Variants in DISC1 observed in about 807,000 individuals in gnomAD.
The protein encoded by DISC1 is DISC1 scaffold protein.
In DISC1, 57 loss-of-function variants were observed where a neutral mutation model predicts 84.5. That is an observed-to-expected ratio of 0.67 (90% CI 0.55 to 0.84). DISC1 has a LOEUF of 0.84. DISC1 is among the 40% of genes least tolerant of loss of function. The pLI, the probability that DISC1 is intolerant of heterozygous loss-of-function variation, is 0.00. For missense variants in DISC1, 1,000 were observed against 1,057.8 expected (o/e 0.95, Z 0.76); for synonymous variants, 411 against 415.2 (o/e 0.99, Z 0.12).
rs552304662 is a variant in DISC1, at chr1:231,759,927, G to A, written c.1269-7213G>A. Among the ~76,000 whole-genome samples, 5 of 152,194 alleles carry A rather than the reference G, an allele frequency of 3.3e-5. No homozygotes were observed. In the East Asian group the frequency reaches 7.7e-4, roughly 24 times the overall value. ...AGAGGACTTCTCAGAACTTGTTTTG[G>A]AACTATTGGATTATAAATAAAAGCT... On this transcript the variant is annotated intron_variant, in intron 4 of 12. Coordinates refer to ENST00000439617, the MANE Select transcript of DISC1 (RefSeq NM_018662.3).
At chr1:231,753,717 T>C (rs759194559) in intron 4 of DISC1, among the ~76,000 whole-genome samples, 2 of 152,220 alleles carry the variant, frequency 1.3e-5, no homozygotes, top group South Asian at 4.1e-4. Context: ...AGCTGCAAAT[T>C]TTCCAAACTT....
rs1338125094 is a variant in DISC1 at position 231,873,797 on chromosome 1, T to C, written c.1981+55280T>C. On this transcript the variant is annotated intron_variant, in intron 9 of 12. Coordinates refer to ENST00000439617, the MANE Select transcript of DISC1 (RefSeq NM_018662.3). ...GAGGGGTTCTGTGTGGAAAATGTAA[T>C]TGGAATCCCCAAATTATGACTTCTA... is the stretch of plus-strand genomic sequence containing the variant. Among the ~76,000 whole-genome samples the C allele has an allele frequency of 3.9e-5, 6 of 152,112 alleles. No individual in the cohort carries two copies. The East Asian group carries it at 9.6e-4, about 24-fold the overall frequency.
At position 231,650,361 on chromosome 1, in the gene DISC1, T is replaced by C. The variant is rs924939929; in HGVS notation, c.67+23427T>C. On this transcript the variant is annotated intron_variant, in intron 1 of 12. Transcript: ENST00000439617. ...GGATATGAAATTCTGGGCTGAAAAT[T>C]CATTTCTTTAAGAATATTGAATATT... Among the ~76,000 whole-genome samples, 5 of 152,210 alleles carry C rather than the reference T, an allele frequency of 3.3e-5. No homozygotes were observed. The South Asian group carries it at 1.0e-3, about 32-fold the overall frequency.
intron 10 of DISC1, chr1:231,959,143 A>T (rs1660039627): frequency 1.7e-6 from 2 of 1,163,012 alleles, no homozygotes; most frequent in African/African-American, 3.2e-5. Context: ...ATGTTCCATA[A>T]GAGAAGAATC....
chr1:231,758,143 G>A (rs1433065640), intron 4 of DISC1, among the ~76,000 whole-genome samples: 1 of 151,984 alleles, frequency 6.6e-6, no homozygotes, highest in Non-Finnish European at 1.5e-5. Context: ...TGTCCGTGTG[G>A]TGACCAGCTC....
chr1:231,645,905 T>C (rs2060087659), intron 1 of DISC1, among the ~76,000 whole-genome samples: 1 of 151,660 alleles, frequency 6.6e-6, no homozygotes. Flanking sequence ...CTTTTCTTTT[T>C]TTTTTTTTAG....
intron 10 of DISC1, among the ~76,000 whole-genome samples, chr1:231,995,676 T>C (rs2102938812): frequency 6.6e-6 from 1 of 152,110 alleles, no homozygotes; most frequent in East Asian, 1.9e-4. Context: ...GAACTCATCA[T>C]TTTTTATGGC....
rs148065829 is a variant in DISC1, at chr1:231,818,472, T to G, written c.1936T>G (p.Tyr646Asp). The change falls in exon 9 of 13, where the codon TAC becomes GAC. Residue 646 changes from tyrosine (Y) to aspartate (D), a missense_variant. By Grantham distance (160) the Tyr-to-Asp change is radical. This residue lies in a region of DISC1 where 397 missense variants were observed against 377.5 expected (regional missense o/e 1.05). Coordinates refer to ENST00000439617, the MANE Select transcript of DISC1 (RefSeq NM_018662.3). ...VKKLGSVKEDYNRLRREVEHQ... is the reference protein window; with the variant it reads ...VKKLGSVKEDDNRLRREVEHQ... ...AAAGCTGGGAAGTGTTAAAGAAGATTACAACAGACTGAGAAGAGAAGTGGA... is the reference window on the plus strand; with the variant it reads ...AAAGCTGGGAAGTGTTAAAGAAGATGACAACAGACTGAGAAGAGAAGTGGA... 6.2e-7 allele frequency: 1 copy of G among 1,614,140 alleles called. No individual in the cohort carries two copies. The highest frequency in any genetic ancestry group is 1.7e-5 in the Admixed American group (1 of 60,008).
At chr1:231,722,084 C>T (rs2069833333) in intron 3 of DISC1, among the ~76,000 whole-genome samples, 2 of 143,096 alleles carry the variant, frequency 1.4e-5, no homozygotes, top group Admixed American at 7.4e-5. Context: ...ACCTGGGAGG[C>T]GGAGCTTGCA....
At chr1:231,907,116 T>TCCC (rs2088771052) in intron 9 of DISC1, among the ~76,000 whole-genome samples, 1 of 76,624 alleles carries the variant, frequency 1.3e-5, no homozygotes, top group African/African-American at 6.2e-5. Context: ...CTCTCCTTCC[T>TCCC]TCCTTCCTTC....
chr1:231,722,151 C>CA (rs750574790), intron 3 of DISC1, among the ~76,000 whole-genome samples: 2,680 of 46,944 alleles, frequency 0.057, 38 homozygotes, highest in East Asian at 0.071. Flanking sequence ...GACTCCATCT[C>CA]AAAAAAAAAA....
At chr1:231,671,342 G>A (rs2062600381) in intron 1 of DISC1, among the ~76,000 whole-genome samples, 1 of 150,696 alleles carries the variant, frequency 6.6e-6, no homozygotes, top group African/African-American at 2.4e-5. Context: ...TTCTCAAGTT[G>A]ATATTCCATA....
intron 3 of DISC1, among the ~76,000 whole-genome samples, chr1:231,704,539 G>A (rs2066792132): frequency 6.6e-6 from 1 of 152,026 alleles, no homozygotes; most frequent in East Asian, 1.9e-4. Flanking sequence ...GGTGGATCAC[G>A]AGGTCAGGAG....
At chr1:231,905,459 A>G (rs542771941) in intron 9 of DISC1, among the ~76,000 whole-genome samples, 1 of 148,984 alleles carries the variant, frequency 6.7e-6, no homozygotes, top group African/African-American at 2.5e-5. Context: ...GTCTCCACAA[A>G]TTTTTTTTTT....
chr1:231,827,001 T>G (rs2125800125), intron 9 of DISC1, among the ~76,000 whole-genome samples: 1 of 152,340 alleles, frequency 6.6e-6, no homozygotes, highest in East Asian at 1.9e-4. Context: ...ACAACTTTTT[T>G]TTTTTGAGAC....
intron 9 of DISC1, among the ~76,000 whole-genome samples, chr1:231,834,213 A>G (rs550698861): frequency 7.9e-5 from 12 of 152,212 alleles, no homozygotes; most frequent in South Asian, 4.2e-4. Context: ...TGTAAGGAGG[A>G]GAGGTGATAA....
chr1:231,714,956 T>C (rs181781814), intron 3 of DISC1, among the ~76,000 whole-genome samples: 123 of 152,344 alleles, frequency 8.1e-4, no homozygotes, highest in Non-Finnish European at 4.1e-4. Flanking sequence ...TCAAAGAACT[T>C]GTGGGCATAT....
chr1:231,779,000 AAGAACTGATGGAAC>A (rs1040112114), intron 6 of DISC1, among the ~76,000 whole-genome samples: 1 of 152,162 alleles, frequency 6.6e-6, no homozygotes, highest in African/African-American at 2.4e-5. Flanking sequence ...ACGAGATCAT[AAGAACTGATGGAAC>A]AGACTCTCGG....
chr1:231,885,099 G>A (rs1303466720), intron 9 of DISC1, among the ~76,000 whole-genome samples: 1 of 152,166 alleles, frequency 6.6e-6, no homozygotes, highest in Non-Finnish European at 1.5e-5. Flanking sequence ...GCAAACCAGA[G>A]GTTTGACACC....
Sources: gnomAD v4.1 joint callset for allele counts (sites outside exome capture counted in the v4.1 genomes callset) on GRCh38, gnomAD v4.1.1 for gene constraint, gnomAD v4.1.1 regional missense constraint, MANE v1.5 for transcripts, NCBI Gene and HGNC (gene_info 2026-07-23, HGNC 2026-07-21) for gene names.